The following RANBP2 variants were observed in gnomAD, a reference collection of about 807,000 sequenced individuals.
RANBP2 encodes the protein E3 SUMO-protein ligase RanBP2.
RANBP2 carries 57 observed loss-of-function variants against 303.6 expected under a neutral mutation model. The ratio of observed to expected loss-of-function variants is 0.19; its 90% CI spans 0.15 to 0.23. The LOEUF is 0.23. Among genes scored for constraint, RANBP2 ranks in the 10% least tolerant of loss-of-function variants. The pLI is 1.00. For missense variants in RANBP2, 3,138 were observed against 3,780.8 expected (o/e 0.83, Z 4.46); for synonymous variants, 1,167 against 1,301.5 (o/e 0.90, Z 2.23).
At chr2:108,971,943 G>C in the RANBP2 span, among the ~76,000 whole-genome samples, 1 of 152,170 alleles carries the variant, frequency 6.6e-6, no homozygotes, top group Non-Finnish European at 1.5e-5. Context: ...GTCACATAGG[G>C]GCAACAGAGG....
At chr2:108,851,230 A>C in the RANBP2 span, among the ~76,000 whole-genome samples, 1 of 152,180 alleles carries the variant, frequency 6.6e-6, no homozygotes, top group Admixed American at 6.5e-5. Flanking sequence ...ACCACGCTCC[A>C]GAAATCTCCA....
chr2:109,551,676 TATAA>T, the RANBP2 span, among the ~76,000 whole-genome samples: 2 of 152,196 alleles, frequency 1.3e-5, no homozygotes, highest in Non-Finnish European at 1.5e-5. Context: ...AAATTCGCAT[TATAA>T]ATAAATTAGT....
chr2:108,820,699 C>CAAAAAAAAAAAAAA, the RANBP2 span, among the ~76,000 whole-genome samples: 5 of 62,582 alleles, frequency 8.0e-5, no homozygotes, highest in African/African-American at 2.7e-4. Context: ...ATTCAAAGTG[C>CAAAAAAAAAAAAAA]AAAAAAAAAA....
At position 108,766,352 on chromosome 2, in the gene RANBP2, T is replaced by G; in HGVS notation, c.5813T>G (p.Phe1938Cys). The change falls in exon 20 of 29, where the codon TTT (phenylalanine) becomes TGT (cysteine). Residue 1938 changes from phenylalanine to cysteine, a missense_variant. Coordinates refer to ENST00000283195, the MANE Select transcript of RANBP2 (RefSeq NM_006267.5). ...SGQKNGRGVI[F>C]GQTSSTFTFA... Reference sequence around the variant, plus strand: ...CAGAAGAATGGCCGTGGTGTGATTTTTGGCCAAACAAGTAGCACTTTTACA... The same window carrying G: ...CAGAAGAATGGCCGTGGTGTGATTTGTGGCCAAACAAGTAGCACTTTTACA... The G allele has an allele frequency of 6.2e-7, 1 of 1,611,990 alleles. No individual in the cohort carries two copies. The highest frequency in any genetic ancestry group is 1.3e-5 in the African/African-American group (1 of 74,948).
the RANBP2 span, among the ~76,000 whole-genome samples, chr2:108,898,395 A>G: frequency 6.6e-6 from 1 of 152,164 alleles, no homozygotes; most frequent in Non-Finnish European, 1.5e-5. Flanking sequence ...TTGAGTGGGG[A>G]ATTTGGATGT....
the RANBP2 span, chr2:109,794,437 C>G: frequency 6.5e-6 from 1 of 154,474 alleles, no homozygotes; most frequent in Non-Finnish European, 7.2e-6. Context: ...GGTGCTCGCA[C>G]GCGTCTCGGG....
At chr2:109,200,497 G>T in the RANBP2 span, among the ~76,000 whole-genome samples, 2 of 152,090 alleles carry the variant, frequency 1.3e-5, no homozygotes, top group Non-Finnish European at 2.9e-5. Flanking sequence ...GTCCTGCTCA[G>T]TCGGCGGGTC....
the RANBP2 span, among the ~76,000 whole-genome samples, chr2:109,148,938 C>T: frequency 6.6e-6 from 1 of 152,062 alleles, no homozygotes; most frequent in Non-Finnish European, 1.5e-5. Flanking sequence ...AGACTTTATT[C>T]TTTGTGGAGC....
the RANBP2 span, among the ~76,000 whole-genome samples, chr2:109,294,965 T>C: frequency 1.3e-5 from 2 of 152,372 alleles, no homozygotes; most frequent in East Asian, 3.9e-4. Flanking sequence ...TTTCAGCCGA[T>C]GTTCATTCAG....
At chr2:108,852,949 A>G in the RANBP2 span, among the ~76,000 whole-genome samples, 1 of 152,232 alleles carries the variant, frequency 6.6e-6, no homozygotes, top group Non-Finnish European at 1.5e-5. Flanking sequence ...ATAATGTGTC[A>G]CTGAGAGGAT....
At chr2:109,006,141 C>T in the RANBP2 span, among the ~76,000 whole-genome samples, 2 of 152,218 alleles carry the variant, frequency 1.3e-5, no homozygotes, top group South Asian at 4.1e-4. Flanking sequence ...TGTGGAGTGA[C>T]GCTACTGGCT....
chr2:109,633,663 CTCTT>C, the RANBP2 span, among the ~76,000 whole-genome samples: 2 of 152,098 alleles, frequency 1.3e-5, no homozygotes, highest in Non-Finnish European at 2.9e-5. Flanking sequence ...CCCAACCTCT[CTCTT>C]CTCTCCTCTC....
the RANBP2 span, among the ~76,000 whole-genome samples, chr2:108,845,217 AT>A: frequency 7.9e-5 from 12 of 152,112 alleles, no homozygotes; most frequent in South Asian, 2.1e-4. Flanking sequence ...AAAAACATGT[AT>A]TTTTTTTCTA....
At chr2:109,723,627 G>A in the RANBP2 span, among the ~76,000 whole-genome samples, 1 of 151,658 alleles carries the variant, frequency 6.6e-6, no homozygotes, top group Non-Finnish European at 1.5e-5. Flanking sequence ...TTTTTTTCCT[G>A]TAAATTTGTT....
chr2:109,454,814 C>T, the RANBP2 span, among the ~76,000 whole-genome samples: 1 of 152,068 alleles, frequency 6.6e-6, no homozygotes, highest in Admixed American at 6.5e-5. Flanking sequence ...GTCGACAACC[C>T]CAGCCCATAG....
At chr2:109,667,171 A>T in the RANBP2 span, 1 of 1,334,826 alleles carries the variant, frequency 7.5e-7, no homozygotes, top group South Asian at 1.2e-5. Context: ...AATTCACTGC[A>T]CATTCCAAAA....
the RANBP2 span, among the ~76,000 whole-genome samples, chr2:109,120,667 C>CAA: frequency 5.0e-4 from 30 of 59,812 alleles, no homozygotes; most frequent in African/African-American, 1.0e-3. Context: ...AACTCCGTCT[C>CAA]AAAAAAAAAA....
At chr2:109,374,559 C>T in the RANBP2 span, among the ~76,000 whole-genome samples, 1 of 152,244 alleles carries the variant, frequency 6.6e-6, no homozygotes, top group East Asian at 1.9e-4. Flanking sequence ...TCAGACCCAC[C>T]TGCCAGGAGG....
the RANBP2 span, chr2:108,908,095 T>C: frequency 2.7e-6 from 4 of 1,482,178 alleles, no homozygotes; most frequent in Admixed American, 6.5e-5. Context: ...TGTGGTGAAC[T>C]TGTCCATTGC....
Sources: allele counts gnomAD v4.1 joint callset (sites outside exome capture counted in the v4.1 genomes callset), GRCh38; gene constraint gnomAD v4.1.1; transcripts MANE v1.5; gene names NCBI Gene and HGNC (gene_info 2026-07-23, HGNC 2026-07-21).